The following R3HCC1 variants were observed in gnomAD, a reference collection of about 807,000 sequenced individuals.
R3HCC1 encodes the protein R3H and coiled-coil domain-containing protein 1.
R3HCC1 carries 32 observed loss-of-function variants against 40.0 expected under a neutral mutation model. The observed-to-expected ratio is 0.80, with a 90% CI of 0.60 to 1.07. R3HCC1 has a LOEUF of 1.07. Ranked by LOEUF, R3HCC1 falls within the 50% of genes least tolerant of loss-of-function variation. R3HCC1 has a pLI of 0.00. For missense variants in R3HCC1, 586 were observed against 563.3 expected (o/e 1.04, Z -0.41); for synonymous variants, 237 against 232.8 (o/e 1.02, Z -0.17).
chr8:23,291,233 T>C, intron 4 of R3HCC1, 128 bp from the exon 5 acceptor site: 6 of 1,356,526 alleles, frequency 4.4e-6, no homozygotes, highest in Non-Finnish European at 5.9e-6. Flanking sequence ...CCAGTCTGCC[T>C]GCTGCTGCCT....
intron 3 of R3HCC1, 66 bp downstream of exon 3, chr8:23,289,219 C>T (rs1802806849): frequency 6.6e-7 from 1 of 1,509,510 alleles, no homozygotes. Flanking sequence ...AGCTGGTCAG[C>T]CTTTGGAAGG....
Position 23,291,552 on chromosome 8 carries a change from G to GGT in R3HCC1, c.1025+21_1025+22dup. 6.5e-7 allele frequency: 1 copy of GGT among 1,549,542 alleles called. No individual in the cohort carries two copies. The highest frequency in any genetic ancestry group is 1.2e-5 in the South Asian group (1 of 83,972). On this transcript the variant is annotated intron_variant, in intron 5 of 7. Transcript: ENST00000265806. ...AGTTCCAGTGAGTGGTGGCTGGGGA[G>GGT]GTGCTGCCTTCAGAGAGGAGCTAAG...
chr8:23,291,713 AAG>A (rs1180978397), intron 5 of R3HCC1, among the ~76,000 whole-genome samples, 180 bp downstream of exon 5: 3 of 152,226 alleles, frequency 2.0e-5, no homozygotes, highest in African/African-American at 7.2e-5. Context: ...TCCCTCGGGA[AAG>A]AGAGCACTGA....
chr8:23,296,069 C>T lies in R3HCC1; in HGVS notation c.1295C>T (p.Pro432Leu), dbSNP rs1267087564. ...CTCCAACACAAAAAGAAAGAGCGGC[C>T]TGCTGTCCGGGGTCCGCTGCCGCCC... Residue 432 changes from proline (P) to leucine (L), a missense_variant, in exon 8 of 8, where the codon CCT becomes CTT. Physicochemically the swap from Pro to Leu is moderately conservative, Grantham distance 98 (BLOSUM62 -3). Coordinates refer to ENST00000265806, the MANE Select transcript of R3HCC1 (RefSeq NM_001136108.3). The T allele has an allele frequency of 1.3e-6, 2 of 1,550,600 alleles. No homozygotes were observed.
chr8:23,291,482 T>A lies in R3HCC1; in HGVS notation c.974T>A (p.Phe325Tyr). The change falls in exon 5 of 8, where the codon TTT (phenylalanine) becomes TAT (tyrosine). Residue 325 changes from phenylalanine (F) to tyrosine (Y), a missense_variant. By Grantham distance (22) the Phe-to-Tyr change is conservative (BLOSUM62 3). Transcript: ENST00000265806. ...GCCCACGTGGTAGAGATCTATGACT[T>A]TGAACCAGCGCTCAAGACGGAGGAC... is the stretch of plus-strand genomic sequence containing the variant. 1 of 1,551,532 alleles carries A rather than the reference T, an allele frequency of 6.4e-7. No homozygotes were observed.
intron 3 of R3HCC1, 112 bp downstream of exon 3, chr8:23,289,265 C>A: frequency 8.3e-7 from 1 of 1,204,454 alleles, no homozygotes. Flanking sequence ...GGACCCCCGG[C>A]TGCTGCCATT....
In R3HCC1 at chr8:23,290,435, G is replaced by T. The variant is rs962662369; in HGVS notation, c.818G>T (p.Cys273Phe). Reference sequence around the variant, plus strand: ...GTGGAAGAGGATGGCCCCAGCAGCTGCTCGGAGGACGATTACAGTGAGCTG... The same window carrying T: ...GTGGAAGAGGATGGCCCCAGCAGCTTCTCGGAGGACGATTACAGTGAGCTG... The change falls in exon 4 of 8, where the codon TGC becomes TTC. Residue 273 changes from cysteine (C) to phenylalanine (F), a missense_variant. Physicochemically the swap from Cys to Phe is radical, Grantham distance 205. Coordinates refer to ENST00000265806, the MANE Select transcript of R3HCC1 (RefSeq NM_001136108.3). 1 of 1,551,350 alleles carries T rather than the reference G, an allele frequency of 6.4e-7. No individual in the cohort carries two copies. The highest frequency in any genetic ancestry group is 8.7e-7 in the Non-Finnish European group (1 of 1,146,896).
chr8:23,291,409 T>C lies in R3HCC1; in HGVS notation c.901T>C (p.Leu301=). The stretch of plus-strand genomic sequence containing the variant: ...GGAGATTCAGATAGAGAAGATCCAT[T>C]TGGACACATCCTCCTTCGTGGAGGA... Residue 301 remains leucine, a synonymous_variant, in exon 5 of 8, where the codon TTG becomes CTG. Transcript: ENST00000265806. 3 of 1,551,782 alleles carry C rather than the reference T, an allele frequency of 1.9e-6. No individual in the cohort carries two copies. The highest frequency in any genetic ancestry group is 2.6e-6 in the Non-Finnish European group (3 of 1,146,920).
At chr8:23,289,195 G>GT in intron 3 of R3HCC1, 42 bp downstream of exon 3, 3 of 1,529,414 alleles carry the variant, frequency 2.0e-6, no homozygotes, top group Non-Finnish European at 2.6e-6. Flanking sequence ...GCGGTGGTGT[G>GT]TGGGTGGCCA....
intron 2 of R3HCC1, 60 bp from the exon 3 acceptor site, chr8:23,288,956 G>C: frequency 6.6e-7 from 1 of 1,520,908 alleles, no homozygotes; most frequent in Non-Finnish European, 8.8e-7. Flanking sequence ...ACCTGGGAGT[G>C]GACCTGGTAG....
Position 23,291,415 on chromosome 8 carries a change from ACAT to A in R3HCC1, c.909_911del (p.Ser305del). 6.4e-7 allele frequency: 1 copy of A among 1,551,782 alleles called. No homozygotes were observed. Among genetic ancestry groups the A allele is most frequent in the Non-Finnish European group, 8.7e-7 (1 of 1,146,936 alleles). ...TCAGATAGAGAAGATCCATTTGGAC[ACAT>A]CCTCCTTCGTGGAGGAGCTGCCTGG... On this transcript the variant is annotated inframe_deletion, in exon 5 of 8. Transcript: ENST00000265806.
Position 23,291,406 on chromosome 8 carries a change from C to A in R3HCC1, c.898C>A (p.His300Asn), listed in dbSNP as rs1384334370. ...GAAGGAGATTCAGATAGAGAAGATCCATTTGGACACATCCTCCTTCGTGGA... is the reference window on the plus strand; with the variant it reads ...GAAGGAGATTCAGATAGAGAAGATCAATTTGGACACATCCTCCTTCGTGGA... The change falls in exon 5 of 8, where the codon CAT becomes AAT. Residue 300 changes from histidine (H) to asparagine (N), a missense_variant. Coordinates refer to ENST00000265806, the MANE Select transcript of R3HCC1 (RefSeq NM_001136108.3). 6.4e-7 allele frequency: 1 copy of A among 1,551,598 alleles called. No individual in the cohort carries two copies. Among genetic ancestry groups the A allele is most frequent in the African/African-American group, 1.4e-5 (1 of 73,050 alleles).
In R3HCC1 at chr8:23,290,447, A is replaced by G; in HGVS notation, c.830A>G (p.Asp277Gly). 1 of 1,550,706 alleles carries G rather than the reference A, an allele frequency of 6.4e-7. No homozygotes were observed. The highest frequency in any genetic ancestry group is 1.2e-5 in the South Asian group (1 of 83,950). Residue 277 changes from aspartate to glycine, a missense_variant, in exon 4 of 8, where the codon GAT becomes GGT. By Grantham distance (94) the Asp-to-Gly change is moderately conservative. Transcript: ENST00000265806. Reference sequence around the variant, plus strand: ...GGCCCCAGCAGCTGCTCGGAGGACGATTACAGTGAGCTGCTGCAGGAGGTG... The same window carrying G: ...GGCCCCAGCAGCTGCTCGGAGGACGGTTACAGTGAGCTGCTGCAGGAGGTG...
chr8:23,296,132 C>T lies in R3HCC1; in HGVS notation c.*35C>T, dbSNP rs555026186. On this transcript the variant is annotated 3_prime_UTR_variant, in exon 8 of 8. Transcript: ENST00000265806. ...ACCCAACTGGCCTGGATCTGCGTCC[C>T]GACGTAGCTGGCGCCCCCAACACCA... The T allele has an allele frequency of 3.8e-5, 59 of 1,533,370 alleles. No homozygotes were observed. The highest frequency in any genetic ancestry group is 2.2e-4 in the African/African-American group (16 of 72,394). The allele number at this position is 1,533,370 out of a possible 1,614,324, so 95.0% of individuals were successfully genotyped here.
rs369152575 is a variant in R3HCC1, at chr8:23,293,370, T to C, written c.1093T>C (p.Ser365Pro). Residue 365 changes from serine (S) to proline (P), a missense_variant, in exon 6 of 8, where the codon TCA (serine) becomes CCA (proline). Coordinates refer to ENST00000265806, the MANE Select transcript of R3HCC1 (RefSeq NM_001136108.3). ...ACTCGGCATCTTTCCCTGCCTGGCC[T>C]CAGGTAAGGCACCCCCAGTGGGCCC... 9 of 1,550,830 alleles carry C rather than the reference T, an allele frequency of 5.8e-6. No homozygotes were observed. The highest frequency in any genetic ancestry group is 7.9e-6 in the Non-Finnish European group (9 of 1,146,426).
chr8:23,288,328 A>G, intron 1 of R3HCC1, 171 bp downstream of exon 1: 1 of 1,113,632 alleles, frequency 9.0e-7, no homozygotes, highest in Non-Finnish European at 1.2e-6. Flanking sequence ...AGCCTTGGGC[A>G]GGAGCCAGGA....
At chr8:23,289,463 GA>G (rs1411235694) in intron 3 of R3HCC1, among the ~76,000 whole-genome samples, 8 of 152,346 alleles carry the variant, frequency 5.3e-5, no homozygotes, top group African/African-American at 1.7e-4. Context: ...GTGTCCCACA[GA>G]GACCAGAAAA....
intron 2 of R3HCC1, 87 bp from the exon 3 acceptor site, chr8:23,288,929 G>A: frequency 1.4e-6 from 2 of 1,417,104 alleles, no homozygotes; most frequent in East Asian, 2.5e-5. Flanking sequence ...AGGGAGCCCA[G>A]TGTTAATCCG....
intron 4 of R3HCC1, among the ~76,000 whole-genome samples, chr8:23,290,757 G>C (rs1462557643): frequency 1.3e-5 from 2 of 152,184 alleles, no homozygotes; most frequent in Non-Finnish European, 2.9e-5. Context: ...GCCTTCACTA[G>C]GTCATGGAGA....
Sources: allele counts gnomAD v4.1 joint callset (sites outside exome capture counted in the v4.1 genomes callset), GRCh38; gene constraint gnomAD v4.1.1; transcripts MANE v1.5; gene names NCBI Gene and HGNC (gene_info 2026-07-23, HGNC 2026-07-21).